ADCY5: variants seen among roughly 807,000 people sequenced by gnomAD.
The protein encoded by ADCY5 is adenylate cyclase type 5.
Under a neutral mutation model 119.7 loss-of-function variants are expected in ADCY5, and 30 were observed. The ratio of observed to expected loss-of-function variants is 0.25; its 90% confidence interval spans 0.19 to 0.34. The LOEUF is 0.34. Among genes scored for constraint, ADCY5 ranks in the 10% least tolerant of loss-of-function variants. The pLI is 1.00. For missense variants in ADCY5, 1,324 were observed against 1,775.2 expected (o/e 0.75, Z 4.57); for synonymous variants, 753 against 762.2 (o/e 0.99, Z 0.20).
At chr3:123,324,376 C>T (rs1941366382) in intron 8 of ADCY5, among the ~76,000 whole-genome samples, 1 of 148,276 alleles carries the variant, frequency 6.7e-6, no homozygotes, top group Non-Finnish European at 1.5e-5. Flanking sequence ...GCAACATGCC[C>T]CTCCTTCACT....
chr3:123,300,112 C>A lies in ADCY5; in HGVS notation c.2900+8G>T. On this transcript the variant is annotated splice_region_variant and intron_variant, in intron 15 of 20. Transcript: ENST00000462833. ...CCCAGTGGGGAGCGTGAGGGAGGTG[C>A]CCCATACATGGCGTTGGCGGTGACC... The A allele has an allele frequency of 6.2e-7, 1 of 1,613,440 alleles. No homozygotes were observed. The highest frequency in any genetic ancestry group is 1.3e-5 in the African/African-American group (1 of 75,072).
intron 1 of ADCY5, among the ~76,000 whole-genome samples, chr3:123,430,456 A>G (rs949232318): frequency 2.0e-5 from 3 of 152,154 alleles, no homozygotes; most frequent in African/African-American, 4.8e-5. Context: ...TGCCAGTGAA[A>G]TCACCCCGAG....
At chr3:123,287,980 TG>T (rs1938893767) in intron 19 of ADCY5, among the ~76,000 whole-genome samples, 2 of 152,086 alleles carry the variant, frequency 1.3e-5, no homozygotes, top group Non-Finnish European at 2.9e-5. Flanking sequence ...GTGGACGAGA[TG>T]GGGTGAAAGG....
intron 1 of ADCY5, among the ~76,000 whole-genome samples, chr3:123,397,900 T>A (rs764654364): frequency 2.0e-5 from 3 of 152,070 alleles, no homozygotes; most frequent in Admixed American, 1.3e-4. Flanking sequence ...GGGGACTGTG[T>A]GGGTGTAGAC....
chr3:123,294,972 C>A (rs961472497), intron 17 of ADCY5, among the ~76,000 whole-genome samples: 1 of 152,168 alleles, frequency 6.6e-6, no homozygotes, highest in African/African-American at 2.4e-5. Context: ...GGCAGGCTCA[C>A]ACAGGATCTT....
At chr3:123,329,734 C>T (rs897071699) in intron 5 of ADCY5, among the ~76,000 whole-genome samples, 3 of 152,164 alleles carry the variant, frequency 2.0e-5, no homozygotes, top group African/African-American at 7.2e-5. Flanking sequence ...CTCCCTGACC[C>T]CATCCCACGC....
intron 1 of ADCY5, among the ~76,000 whole-genome samples, chr3:123,439,227 C>T (rs1166782996): frequency 6.6e-6 from 1 of 151,720 alleles, no homozygotes; most frequent in Non-Finnish European, 1.5e-5. Flanking sequence ...GCCACCACGC[C>T]TGTATTTTGT....
rs1433527119 is a variant in ADCY5, at chr3:123,448,890, T to A, written c.-345A>T. On this transcript the variant is annotated 5_prime_UTR_variant, in exon 1 of 21. Coordinates refer to ENST00000462833, the MANE Select transcript of ADCY5 (RefSeq NM_183357.3). ...GCGTCGAGCTCGACGAGGGCCGGAGTTGCGGACGAGACGGGACGGAGTGGT... is the reference window on the plus strand; with the variant it reads ...GCGTCGAGCTCGACGAGGGCCGGAGATGCGGACGAGACGGGACGGAGTGGT... The A allele has an allele frequency of 4.4e-6, 1 of 226,050 alleles. No homozygotes were observed. The highest frequency in any genetic ancestry group is 8.4e-5 in the East Asian group (1 of 11,926). 14.0% of individuals were successfully genotyped at this position (226,050 alleles called of 1,614,324 possible).
At chr3:123,359,117 G>A (rs964936309) in intron 1 of ADCY5, among the ~76,000 whole-genome samples, 4 of 119,302 alleles carry the variant, frequency 3.4e-5, no homozygotes, top group African/African-American at 1.0e-4. Context: ...TCTTTTATGC[G>A]GTTCCTGTTC....
chr3:123,327,035 G>A (rs1941527007), intron 7 of ADCY5, among the ~76,000 whole-genome samples: 1 of 152,174 alleles, frequency 6.6e-6, no homozygotes, highest in Admixed American at 6.5e-5. Flanking sequence ...AATAGAAAAT[G>A]TTCTCTTGAT....
At chr3:123,344,025 G>A (rs116228985) in intron 3 of ADCY5, among the ~76,000 whole-genome samples, 12 of 152,180 alleles carry the variant, frequency 7.9e-5, no homozygotes, top group South Asian at 2.1e-4. Flanking sequence ...CCCTGGCTGC[G>A]CCCCGGGGTG....
chr3:123,395,992 CAG>C (rs1944534958), intron 1 of ADCY5, among the ~76,000 whole-genome samples: 2 of 71,964 alleles, frequency 2.8e-5, no homozygotes, highest in African/African-American at 8.8e-5. Flanking sequence ...AAGAAAGAAA[CAG>C]AAAGAAAGAA....
chr3:123,437,062 A>C (rs1376076334), intron 1 of ADCY5, among the ~76,000 whole-genome samples: 2 of 152,158 alleles, frequency 1.3e-5, no homozygotes, highest in African/African-American at 4.8e-5. Context: ...GGAGGGGAGT[A>C]GGGGAGTGGA....
At chr3:123,382,656 A>T (rs948839846) in intron 1 of ADCY5, among the ~76,000 whole-genome samples, 23 of 152,248 alleles carry the variant, frequency 1.5e-4, no homozygotes, top group African/African-American at 5.5e-4. Flanking sequence ...TGCTAAGTGA[A>T]ATAAGCCAGA....
chr3:123,331,965 T>G (rs1236926046), intron 4 of ADCY5, among the ~76,000 whole-genome samples: 1 of 152,150 alleles, frequency 6.6e-6, no homozygotes, highest in Non-Finnish European at 1.5e-5. Flanking sequence ...CCACTGACAT[T>G]TAATCACTCT....
intron 1 of ADCY5, among the ~76,000 whole-genome samples, chr3:123,395,647 G>T (rs1192281757): frequency 1.3e-5 from 2 of 152,056 alleles, no homozygotes; most frequent in African/African-American, 4.8e-5. Context: ...GGAGGGTGAG[G>T]TGGGAGGATT....
chr3:123,432,256 T>A (rs1945536684), intron 1 of ADCY5, among the ~76,000 whole-genome samples: 1 of 152,244 alleles, frequency 6.6e-6, no homozygotes, highest in Non-Finnish European at 1.5e-5. Context: ...TGTGTACTGA[T>A]CCACACTCAC....
chr3:123,308,745 C>T lies in ADCY5; in HGVS notation c.2443-4562G>A, dbSNP rs879264195. On this transcript the variant is annotated intron_variant, in intron 12 of 20. Coordinates refer to ENST00000462833, the MANE Select transcript of ADCY5 (RefSeq NM_183357.3). Reference sequence around the variant, plus strand: ...TTGGGAGGCTGAGGTAGGAGAATGGCGTGAACCCGGGAGGCGGAGCTTGCA... The same window carrying T: ...TTGGGAGGCTGAGGTAGGAGAATGGTGTGAACCCGGGAGGCGGAGCTTGCA... Among the ~76,000 whole-genome samples the T allele has an allele frequency of 3.3e-4, 50 of 152,270 alleles. 1 individual carries two copies. Among genetic ancestry groups the T allele is most frequent in the Non-Finnish European group, 2.5e-4 (17 of 68,032 alleles).
intron 12 of ADCY5, among the ~76,000 whole-genome samples, chr3:123,307,789 C>T (rs559766047): frequency 6.6e-6 from 1 of 152,194 alleles, no homozygotes; most frequent in Non-Finnish European, 1.5e-5. Flanking sequence ...GTTACTAATA[C>T]GTGCTAAAAC....
Sources: allele counts gnomAD v4.1 joint callset (sites outside exome capture counted in the v4.1 genomes callset), GRCh38; gene constraint gnomAD v4.1.1; transcripts MANE v1.5; gene names NCBI Gene and HGNC (gene_info 2026-07-23, HGNC 2026-07-21).